GBE1: variants seen among roughly 807,000 people sequenced by gnomAD.
GBE1 encodes 1,4-alpha-glucan branching enzyme 1, also known as 1,4-alpha-glucan-branching enzyme.
GBE1 carries 70 observed loss-of-function variants against 88.8 expected under a neutral mutation model. The observed-to-expected ratio is 0.79, with a 90% CI of 0.65 to 0.96. The LOEUF is 0.96. Ranked by LOEUF, GBE1 falls within the 40% of genes least tolerant of loss-of-function variation. The pLI, the probability that GBE1 is intolerant of heterozygous loss-of-function variation, is 0.00. For missense variants in GBE1, 872 were observed against 871.0 expected (o/e 1.00, Z -0.01); for synonymous variants, 284 against 300.1 (o/e 0.95, Z 0.56).
At chr3:81,577,518 T>C (rs563252666) in intron 12 of GBE1, among the ~76,000 whole-genome samples, 3 of 152,288 alleles carry the variant, frequency 2.0e-5, no homozygotes, top group African/African-American at 4.8e-5. Flanking sequence ...ACAAGTATAC[T>C]GGTATAAAAT....
At chr3:81,649,450 C>G (rs1704813840) in intron 4 of GBE1, among the ~76,000 whole-genome samples, 1 of 151,834 alleles carries the variant, frequency 6.6e-6, no homozygotes, top group African/African-American at 2.4e-5. Context: ...GGACATTGAT[C>G]CTAATTCAAA....
rs746527832 is a variant in GBE1 at position 81,591,039 on chromosome 3, C to A, written c.1234G>T (p.Glu412Ter). 4.4e-6 allele frequency: 7 copies of A among 1,607,620 alleles called. No individual in the cohort carries two copies. Among genetic ancestry groups the A allele is most frequent in the Non-Finnish European group, 5.1e-6 (6 of 1,176,598 alleles). ...TLCPDSITIAEDVSGMPALCS... is the reference protein window; with the variant it reads ...TLCPDSITIA Reference sequence around the variant, plus strand: ...GTAAGACTTCACTATGGCTTTACCTCAGCTATTGTTATAGAATCGGGACAC... The same window carrying A: ...GTAAGACTTCACTATGGCTTTACCTAAGCTATTGTTATAGAATCGGGACAC... Residue 412 changes from glutamate (E) to a stop codon, truncating the protein, a stop_gained and splice_region_variant, in exon 9 of 16, where the codon GAG becomes TAG. Coordinates refer to ENST00000429644, the MANE Select transcript of GBE1 (RefSeq NM_000158.4). LOFTEE classifies it high-confidence loss of function.
At chr3:81,726,343 G>A (rs1242010852) in intron 1 of GBE1, among the ~76,000 whole-genome samples, 6 of 152,070 alleles carry the variant, frequency 3.9e-5, no homozygotes, top group East Asian at 1.9e-4. Flanking sequence ...GTTTGTGAGC[G>A]TGGTTTTGAG....
chr3:81,576,671 T>C (rs1354610229), intron 12 of GBE1, among the ~76,000 whole-genome samples: 2 of 152,080 alleles, frequency 1.3e-5, no homozygotes, highest in Non-Finnish European at 2.9e-5. Flanking sequence ...CATTGCAAAG[T>C]CCATCCAGGG....
At chr3:81,754,405 G>A (rs1706574375) in intron 1 of GBE1, among the ~76,000 whole-genome samples, 1 of 150,978 alleles carries the variant, frequency 6.6e-6, no homozygotes, top group Non-Finnish European at 1.5e-5. Flanking sequence ...CAGACTCAAT[G>A]CAATCCCTAT....
intron 7 of GBE1, chr3:81,612,431 T>C (rs1205427121): frequency 3.6e-5 from 34 of 937,760 alleles, no homozygotes; most frequent in Non-Finnish European, 5.8e-5. Context: ...AGGATTTTCA[T>C]CAAAATAAAA....
rs1553696639 is a variant in GBE1, at chr3:81,750,657, A to ATATGTG, written c.143+10717_143+10718insCACATA. Among the ~76,000 whole-genome samples the ATATGTG allele has an allele frequency of 1.3e-4, 6 of 45,942 alleles. 1 individual carries two copies. Among genetic ancestry groups the ATATGTG allele is most frequent in the East Asian group, 6.5e-3 (2 of 310 alleles). The allele number at this position is 45,942 out of a possible 152,430, so 30.1% of individuals were successfully genotyped here. A position where few individuals can be genotyped will look rare whatever the true frequency, so the allele number is the denominator to read the frequency against. ...TATATATATATATGTATATATATAT[A>ATATGTG]TGTATATATATATATACGTATATAT... On this transcript the variant is annotated intron_variant, in intron 1 of 15. Transcript: ENST00000429644.
chr3:81,561,969 C>A (rs1276091442), intron 12 of GBE1, among the ~76,000 whole-genome samples: 1 of 152,064 alleles, frequency 6.6e-6, no homozygotes, highest in African/African-American at 2.4e-5. Flanking sequence ...AACTTCCTTG[C>A]CTAAATATTG....
intron 7 of GBE1, among the ~76,000 whole-genome samples, chr3:81,610,830 G>A (rs974802261): frequency 6.6e-6 from 1 of 152,108 alleles, no homozygotes; most frequent in Non-Finnish European, 1.5e-5. Flanking sequence ...TGTGAGCACT[G>A]ACAAGTTCCC....
intron 2 of GBE1, among the ~76,000 whole-genome samples, chr3:81,696,611 A>G (rs1455398873): frequency 6.6e-6 from 1 of 152,218 alleles, no homozygotes; most frequent in African/African-American, 2.4e-5. Flanking sequence ...TTGTGTAAGT[A>G]AATGGCGAGC....
Position 81,733,772 on chromosome 3 carries a change from C to T in GBE1, c.143+27603G>A, listed in dbSNP as rs1009982390. Among the ~76,000 whole-genome samples, 2 of 152,070 alleles carry T rather than the reference C, an allele frequency of 1.3e-5. No homozygotes were observed. Among genetic ancestry groups the T allele is most frequent in the African/African-American group, 2.4e-5 (1 of 41,406 alleles). On this transcript the variant is annotated intron_variant, in intron 1 of 15. Transcript: ENST00000429644. This position sits in a 1 kb window ranked among gnomAD's most constrained non-coding sequence, Gnocchi z 4.0. ...AATATTTGTGATGTTTATTGTGTAT[C>T]GCCTGTCTCCTGCTGCTGGAAAGTA... is the stretch of plus-strand genomic sequence containing the variant.
intron 7 of GBE1, among the ~76,000 whole-genome samples, chr3:81,629,018 G>GTTTTTTTTTTTTTTTTTTTT: frequency 1.0e-5 from 1 of 98,002 alleles, no homozygotes; most frequent in Non-Finnish European, 1.9e-5. Flanking sequence ...TTATGTTTAA[G>GTTTTTTTTTTTTTTTTTTTT]TTTTTTTTTT....
chr3:81,670,461 G>A (rs779681110), intron 3 of GBE1, among the ~76,000 whole-genome samples: 2 of 152,058 alleles, frequency 1.3e-5, no homozygotes, highest in African/African-American at 2.4e-5. Flanking sequence ...AATTTCACCC[G>A]ACCTCTTTAC....
intron 3 of GBE1, among the ~76,000 whole-genome samples, chr3:81,659,502 A>ATTTTTTT (rs35138103): frequency 7.9e-6 from 1 of 127,052 alleles, no homozygotes. Context: ...CGCCCGGCTA[A>ATTTTTTT]TTTTTTTTTT....
At chr3:81,606,389 T>G (rs764657535) in intron 7 of GBE1, among the ~76,000 whole-genome samples, 2 of 152,210 alleles carry the variant, frequency 1.3e-5, no homozygotes, top group African/African-American at 4.8e-5. Context: ...CATTTGCAAA[T>G]GTACAGTGTA....
intron 1 of GBE1, among the ~76,000 whole-genome samples, chr3:81,750,593 A>ATATG (rs1706497185): frequency 1.7e-5 from 1 of 60,454 alleles, no homozygotes; most frequent in Non-Finnish European, 2.9e-5. Context: ...ATATACGTAT[A>ATATG]TATATATGTG....
chr3:81,677,574 G>A lies in GBE1; in HGVS notation c.314-6621C>T, dbSNP rs190330402. ...TATCAAGGAAGAATCTTGTCATAAAGTATAGAGCTGGAATTTCCTATGGCA... is the reference window on the plus strand; with the variant it reads ...TATCAAGGAAGAATCTTGTCATAAAATATAGAGCTGGAATTTCCTATGGCA... On this transcript the variant is annotated intron_variant, in intron 2 of 15. Coordinates refer to ENST00000429644, the MANE Select transcript of GBE1 (RefSeq NM_000158.4). Among the ~76,000 whole-genome samples the A allele has an allele frequency of 2.6e-3, 397 of 152,322 alleles. 2 individuals carry two copies. The highest frequency in any genetic ancestry group is 3.5e-3 in the Non-Finnish European group (239 of 68,018).
intron 1 of GBE1, among the ~76,000 whole-genome samples, chr3:81,760,628 T>G (rs1393382546): frequency 6.6e-6 from 1 of 152,226 alleles, no homozygotes; most frequent in East Asian, 1.9e-4. Context: ...TAGTGGAACT[T>G]ATGAATAGAA....
At chr3:81,597,622 T>C (rs1461063705) in intron 7 of GBE1, among the ~76,000 whole-genome samples, 1 of 151,206 alleles carries the variant, frequency 6.6e-6, no homozygotes, top group African/African-American at 2.4e-5. Flanking sequence ...ACACTGTGCA[T>C]AGTCAATTGA....
Sources: gnomAD v4.1 joint callset for allele counts (sites outside exome capture counted in the v4.1 genomes callset) on GRCh38, gnomAD v4.1.1 for gene constraint, Gnocchi (gnomAD v3.1) non-coding constraint, MANE v1.5 for transcripts, NCBI Gene and HGNC (gene_info 2026-07-23, HGNC 2026-07-21) for gene names.